SPPL2A: variants seen among roughly 807,000 people sequenced by gnomAD.
SPPL2A encodes signal peptide peptidase-like 2A.
Under a neutral mutation model 63.8 loss-of-function variants are expected in SPPL2A, and 51 were observed. That is an observed-to-expected ratio of 0.80 (90% CI 0.64 to 1.01). SPPL2A has a LOEUF of 1.01. Among genes scored for constraint, SPPL2A ranks in the 50% least tolerant of loss-of-function variants. The probability of loss-of-function intolerance (pLI) is 0.00; values close to 1 mark genes in which losing one functional copy is unlikely to be tolerated. For synonymous variants in SPPL2A, 188 were observed against 205.8 expected (o/e 0.91, Z 0.74); for missense variants, 553 against 622.7 (o/e 0.89, Z 1.19).
At position 50,705,944 on chromosome 15, in the gene SPPL2A, A is replaced by G. The variant is rs1013443327; in HGVS notation, c.*1856T>C. On this transcript the variant is annotated 3_prime_UTR_variant, in exon 15 of 15. Coordinates refer to ENST00000261854, the MANE Select transcript of SPPL2A (RefSeq NM_032802.4). ...TGTCATTTGCGAAATTCTTACTAAA[A>G]TAAAAGAAAATGGAAAGATAATTTG... 1 of 152,236 alleles carries G rather than the reference A, an allele frequency of 6.6e-6. No individual in the cohort carries two copies. Among genetic ancestry groups the G allele is most frequent in the African/African-American group, 2.4e-5 (1 of 41,476 alleles). The allele number at this position is 152,236 out of a possible 1,614,324, so 9.4% of individuals were successfully genotyped here.
chr15:50,714,712 C>T (rs12906354), intron 14 of SPPL2A, among the ~76,000 whole-genome samples: 1 of 151,620 alleles, frequency 6.6e-6, no homozygotes, highest in Non-Finnish European at 1.5e-5. Flanking sequence ...GAGGCCAAGG[C>T]AGGTGGGTTC....
intron 3 of SPPL2A, 119 bp from the exon 4 acceptor site, chr15:50,748,321 ATTCT>A: frequency 2.2e-6 from 1 of 465,086 alleles, no homozygotes; most frequent in Non-Finnish European, 3.7e-6. Context: ...AATTTCAGGT[ATTCT>A]TTCTTAACAC....
chr15:50,719,331 G>A (rs1169118082), intron 14 of SPPL2A, among the ~76,000 whole-genome samples: 1 of 152,022 alleles, frequency 6.6e-6, no homozygotes, highest in Non-Finnish European at 1.5e-5. Flanking sequence ...TGCAACCTCT[G>A]CCTCCTGGGT....
At chr15:50,711,305 G>A (rs973449094) in intron 14 of SPPL2A, among the ~76,000 whole-genome samples, 15 of 151,490 alleles carry the variant, frequency 9.9e-5, no homozygotes, top group Admixed American at 6.6e-5. Context: ...CGCCTCCCGG[G>A]TTCAAGCAAT....
At chr15:50,758,574 T>A (rs982549210) in intron 1 of SPPL2A, among the ~76,000 whole-genome samples, 1 of 151,958 alleles carries the variant, frequency 6.6e-6, no homozygotes, top group African/African-American at 2.4e-5. Flanking sequence ...GTGATCTGCC[T>A]GCCTCAGCCT....
intron 10 of SPPL2A, among the ~76,000 whole-genome samples, chr15:50,728,352 A>T (rs2062702052): frequency 6.6e-6 from 1 of 152,090 alleles, no homozygotes; most frequent in Non-Finnish European, 1.5e-5. Flanking sequence ...CTTTATTTTT[A>T]TTTATTTTTG....
chr15:50,729,350 C>G (rs2062712884), intron 10 of SPPL2A, among the ~76,000 whole-genome samples: 1 of 152,194 alleles, frequency 6.6e-6, no homozygotes, highest in Non-Finnish European at 1.5e-5. Context: ...TCAAATGGCT[C>G]ATCATTAAGT....
At chr15:50,739,239 C>A (rs553180100) in intron 6 of SPPL2A, among the ~76,000 whole-genome samples, 28 of 143,204 alleles carry the variant, frequency 2.0e-4, no homozygotes, top group African/African-American at 6.5e-4. Flanking sequence ...AGTGCAATGG[C>A]GCAATGTCGG....
chr15:50,762,706 G>A (rs1432999856), intron 1 of SPPL2A, among the ~76,000 whole-genome samples: 3 of 151,606 alleles, frequency 2.0e-5, no homozygotes, highest in African/African-American at 7.3e-5. Context: ...TGACTAAGGG[G>A]AAGCAGTGCC....
chr15:50,702,915 C>T lies in SPPL2A; in HGVS notation c.*4885G>A, dbSNP rs958778114. 1 of 152,006 alleles carries T rather than the reference C, an allele frequency of 6.6e-6. No individual in the cohort carries two copies. The highest frequency in any genetic ancestry group is 2.4e-5 in the African/African-American group (1 of 41,390). 9.4% of individuals were successfully genotyped at this position (152,006 alleles called of 1,614,324 possible). A position where few individuals can be genotyped will look rare whatever the true frequency, so the allele number is the denominator to read the frequency against. Reference sequence around the variant, plus strand: ...ATATTACCCTGTCAATTTTTTTTCACTCTGAAAATTCAGTAATCTAGCATA... The same window carrying T: ...ATATTACCCTGTCAATTTTTTTTCATTCTGAAAATTCAGTAATCTAGCATA... On this transcript the variant is annotated 3_prime_UTR_variant, in exon 15 of 15. Transcript: ENST00000261854.
intron 5 of SPPL2A, among the ~76,000 whole-genome samples, chr15:50,744,987 A>T (rs1332348207): frequency 6.6e-6 from 1 of 152,202 alleles, no homozygotes. Flanking sequence ...AAAACATTTA[A>T]AACTGTTGTT....
At chr15:50,742,225 C>T (rs533136646) in intron 5 of SPPL2A, among the ~76,000 whole-genome samples, 34 of 152,148 alleles carry the variant, frequency 2.2e-4, no homozygotes, top group African/African-American at 7.2e-4. Flanking sequence ...GCCTGGCTAA[C>T]GTGGTGAAAC....
At chr15:50,747,473 C>T (rs774063032) in intron 5 of SPPL2A, 22 bp downstream of exon 5, 27 of 1,578,370 alleles carry the variant, frequency 1.7e-5, no homozygotes, top group African/African-American at 1.6e-4. Context: ...ATTACAAAAA[C>T]GCTTAAGTTA....
rs2062511726 is a variant in SPPL2A at position 50,706,610 on chromosome 15, A to C, written c.*1190T>G. 1 of 152,098 alleles carries C rather than the reference A, an allele frequency of 6.6e-6. No homozygotes were observed. The highest frequency in any genetic ancestry group is 2.4e-5 in the African/African-American group (1 of 41,430). The allele number at this position is 152,098 out of a possible 1,614,324, so 9.4% of individuals were successfully genotyped here. On this transcript the variant is annotated 3_prime_UTR_variant, in exon 15 of 15. Transcript: ENST00000261854. Reference sequence around the variant, plus strand: ...GTGGGCATCAGGAAGAAAAAAAGATAACGGGTGGGAGTGGGGGAATGTGGG... The same window carrying C: ...GTGGGCATCAGGAAGAAAAAAAGATCACGGGTGGGAGTGGGGGAATGTGGG...
intron 11 of SPPL2A, 143 bp downstream of exon 11, chr15:50,726,178 A>C: frequency 6.7e-7 from 1 of 1,486,748 alleles, no homozygotes. Context: ...ATAACTAAGA[A>C]AAGAGCTATA....
At chr15:50,713,672 T>C (rs959273381) in intron 14 of SPPL2A, among the ~76,000 whole-genome samples, 3 of 152,158 alleles carry the variant, frequency 2.0e-5, no homozygotes, top group Non-Finnish European at 2.9e-5. Context: ...TGACTGAGTC[T>C]AAACATAATT....
chr15:50,732,794 C>CA, intron 8 of SPPL2A, 110 bp from the exon 9 acceptor site: 4 of 547,774 alleles, frequency 7.3e-6, no homozygotes, highest in Non-Finnish European at 1.3e-5. Flanking sequence ...TTGACTATTC[C>CA]TTTTTTTTTT....
At chr15:50,715,829 T>G (rs2062595497) in intron 14 of SPPL2A, among the ~76,000 whole-genome samples, 1 of 152,142 alleles carries the variant, frequency 6.6e-6, no homozygotes, top group African/African-American at 2.4e-5. Flanking sequence ...AAGACTAGAA[T>G]TACTATAATG....
chr15:50,714,129 T>C (rs959129635), intron 14 of SPPL2A, among the ~76,000 whole-genome samples: 8 of 152,240 alleles, frequency 5.3e-5, no homozygotes, highest in African/African-American at 1.7e-4. Context: ...ACAATTACGA[T>C]ACTACACTAG....
Sources: gnomAD v4.1 joint callset for allele counts (sites outside exome capture counted in the v4.1 genomes callset) on GRCh38, gnomAD v4.1.1 for gene constraint, MANE v1.5 for transcripts, NCBI Gene and HGNC (gene_info 2026-07-23, HGNC 2026-07-21) for gene names.